Variants in DAB2 observed in about 807,000 individuals in gnomAD.
DAB2 encodes DAB adaptor protein 2.
Under a neutral mutation model 71.6 loss-of-function variants are expected in DAB2, and 28 were observed. The ratio of observed to expected loss-of-function variants is 0.39; its 90% CI spans 0.29 to 0.54. The LOEUF (loss-of-function observed/expected upper bound fraction) is 0.54. Ranked by LOEUF, DAB2 falls within the 20% of genes least tolerant of loss-of-function variation. The pLI, the probability that DAB2 is intolerant of heterozygous loss-of-function variation, is 0.68. For missense variants in DAB2, 867 were observed against 928.8 expected, an observed-to-expected ratio of 0.93 and a Z score of 0.86; for synonymous variants, 345 against 339.7, an observed-to-expected ratio of 1.02 and a Z score of -0.17.
intron 1 of DAB2, among the ~76,000 whole-genome samples, chr5:39,395,404 C>T (rs969740282): frequency 6.6e-6 from 1 of 152,192 alleles, no homozygotes; most frequent in African/African-American, 2.4e-5. Context: ...TCATTCCGTG[C>T]CTATACCACC....
chr5:39,419,308 C>A (rs1287651577), intron 1 of DAB2, among the ~76,000 whole-genome samples: 2 of 152,158 alleles, frequency 1.3e-5, no homozygotes, highest in Non-Finnish European at 2.9e-5. Context: ...CCATTGCTAA[C>A]CTAGCATCAG....
intron 5 of DAB2, 31 bp downstream of exon 5, chr5:39,390,413 C>T: frequency 1.2e-6 from 2 of 1,606,674 alleles, no homozygotes; most frequent in Non-Finnish European, 1.7e-6. Flanking sequence ...GAGGACAAGT[C>T]CCCAGGTCTA....
intron 1 of DAB2, among the ~76,000 whole-genome samples, chr5:39,411,948 A>C (rs1341326849): frequency 6.6e-6 from 1 of 152,162 alleles, no homozygotes; most frequent in Non-Finnish European, 1.5e-5. Context: ...CAACACTACC[A>C]AGTTTGCATA....
intron 9 of DAB2, among the ~76,000 whole-genome samples, chr5:39,384,225 C>T (rs148315143): frequency 2.6e-4 from 39 of 152,236 alleles, no homozygotes; most frequent in African/African-American, 9.4e-4. Flanking sequence ...GTTCCAAGGC[C>T]CACAGTGGAT....
chr5:39,419,762 G>A (rs1025470482), intron 1 of DAB2, among the ~76,000 whole-genome samples: 1 of 152,192 alleles, frequency 6.6e-6, no homozygotes, highest in Non-Finnish European at 1.5e-5. Context: ...GAGGGGAAAA[G>A]ATTTGGAAGT....
At position 39,388,800 on chromosome 5, in the gene DAB2, G is replaced by C. The variant is rs772234206; in HGVS notation, c.623C>G (p.Ser208Trp). The change falls in exon 8 of 15, where the codon TCG becomes TGG. Residue 208 changes from serine to tryptophan, a missense_variant and splice_region_variant. By Grantham distance (177) the Ser-to-Trp change is radical (BLOSUM62 -3). Around this residue, in one of 2 missense-constraint regions of DAB2, gnomAD observed 740 missense variants for 734.3 expected, o/e 1.01. Transcript: ENST00000320816. The part of the protein sequence containing the change: ...ILDDQTNKLK[S>W]GVDQMDLFGD... Reference sequence around the variant, plus strand: ...CAAACGTCACATATTAATACATACCGATTTCAGTTTGTTAGTTTGGTCATC... The same window carrying C: ...CAAACGTCACATATTAATACATACCCATTTCAGTTTGTTAGTTTGGTCATC... 6.2e-7 allele frequency: 1 copy of C among 1,611,916 alleles called. No homozygotes were observed. The highest frequency in any genetic ancestry group is 8.5e-7 in the Non-Finnish European group (1 of 1,178,278).
At chr5:39,397,504 C>G (rs1002950121) in intron 1 of DAB2, among the ~76,000 whole-genome samples, 1 of 152,188 alleles carries the variant, frequency 6.6e-6, no homozygotes, top group African/African-American at 2.4e-5. Flanking sequence ...TAGCTAACAA[C>G]TTATACCTAG....
chr5:39,398,602 T>C (rs1755431532), intron 1 of DAB2, among the ~76,000 whole-genome samples: 2 of 152,164 alleles, frequency 1.3e-5, no homozygotes, highest in African/African-American at 4.8e-5. Context: ...GGCCATACAA[T>C]TGAAAATATA....
rs1754715650 is a variant in DAB2, at chr5:39,372,199, T to G, written c.*1232A>C. 6.6e-6 allele frequency: 1 copy of G among 152,192 alleles called. No individual in the cohort carries two copies. Among genetic ancestry groups the G allele is most frequent in the Non-Finnish European group, 1.5e-5 (1 of 68,026 alleles). The allele number at this position is 152,192 out of a possible 1,614,324, so 9.4% of individuals were successfully genotyped here. A position where few individuals can be genotyped will look rare whatever the true frequency, so the allele number is the denominator to read the frequency against. On this transcript the variant is annotated 3_prime_UTR_variant, in exon 15 of 15. Coordinates refer to ENST00000320816, the MANE Select transcript of DAB2 (RefSeq NM_001343.4). The stretch of plus-strand genomic sequence containing the variant: ...GCTCACAACAGGACTGAAAATGAAC[T>G]GGGAACGTTTCCAAGTTGTGAGGAG...
chr5:39,375,731 CA>C (rs1228730969), intron 13 of DAB2, among the ~76,000 whole-genome samples: 1 of 151,886 alleles, frequency 6.6e-6, no homozygotes, highest in Admixed American at 6.6e-5. Flanking sequence ...CAAAAAAATA[CA>C]AAAATTAGCC....
intron 4 of DAB2, among the ~76,000 whole-genome samples, chr5:39,391,969 A>G (rs1210948199): frequency 2.2e-5 from 1 of 46,002 alleles, no homozygotes. Context: ...CGAGGTCAAA[A>G]AAAAAAAAAA....
In DAB2 at chr5:39,415,466, C is replaced by T. The variant is rs371241690; in HGVS notation, c.-102+9338G>A. Among the ~76,000 whole-genome samples, 209 of 152,292 alleles carry T rather than the reference C, an allele frequency of 1.4e-3. 11 individuals are homozygous for T. In the South Asian group the frequency reaches 0.04, roughly 29 times the overall value. On this transcript the variant is annotated intron_variant, in intron 1 of 14. Coordinates refer to ENST00000320816, the MANE Select transcript of DAB2 (RefSeq NM_001343.4). Reference sequence around the variant, plus strand: ...TAAGAAGTACAAGCAATTCAGGGAACTTCTGTATTCTAGAACCAGACATGT... The same window carrying T: ...TAAGAAGTACAAGCAATTCAGGGAATTTCTGTATTCTAGAACCAGACATGT...
intron 1 of DAB2, among the ~76,000 whole-genome samples, chr5:39,404,097 G>A (rs1401429659): frequency 2.0e-5 from 3 of 151,934 alleles, no homozygotes; most frequent in Non-Finnish European, 4.4e-5. Flanking sequence ...ACGTGTGCAT[G>A]TGTCTTTATA....
rs1755305451 is a variant in DAB2, at chr5:39,394,301, G to A, written c.20C>T (p.Thr7Ile). 1 of 1,613,948 alleles carries A rather than the reference G, an allele frequency of 6.2e-7. No individual in the cohort carries two copies. Among genetic ancestry groups the A allele is most frequent in the South Asian group, 1.1e-5 (1 of 91,076 alleles). Residue 7 changes from threonine to isoleucine, a missense_variant, in exon 2 of 15, where the codon ACA becomes ATA. Transcript: ENST00000320816. MSNEVE[T>I]SATNGQPDQQ... ...GTCGGGCTGACCATTGGTTGCACTT[G>A]TTTCTACTTCGTTAGACATGGCAAG...
chr5:39,395,937 CTTTTTTTT>C (rs3024228), intron 1 of DAB2, among the ~76,000 whole-genome samples: 1 of 74,856 alleles, frequency 1.3e-5, no homozygotes, highest in Non-Finnish European at 2.3e-5. Context: ...CACAGATATT[CTTTTTTTT>C]TTTTTTTTTT....
At position 39,389,130 on chromosome 5, in the gene DAB2, A is replaced by C. The variant is rs773015544; in HGVS notation, c.544-7T>G. 1 of 1,609,124 alleles carries C rather than the reference A, an allele frequency of 6.2e-7. No individual in the cohort carries two copies. Among genetic ancestry groups the C allele is most frequent in the East Asian group, 2.2e-5 (1 of 44,854 alleles). On this transcript the variant is annotated splice_region_variant and splice_polypyrimidine_tract_variant and intron_variant, in intron 6 of 14. Transcript: ENST00000320816. ...CTTTGCTGGCTTCCTCTATCTAAAAAGAAAGATACATATTCAGTGATCTTC... is the reference window on the plus strand; with the variant it reads ...CTTTGCTGGCTTCCTCTATCTAAAACGAAAGATACATATTCAGTGATCTTC...
intron 9 of DAB2, among the ~76,000 whole-genome samples, chr5:39,384,438 ACTCAC>A (rs1452881165): frequency 6.6e-6 from 1 of 152,180 alleles, no homozygotes; most frequent in Non-Finnish European, 1.5e-5. Context: ...ATTGTACCGT[ACTCAC>A]TTATTTTCAG....
intron 1 of DAB2, among the ~76,000 whole-genome samples, chr5:39,400,623 G>A (rs1202143933): frequency 2.6e-5 from 4 of 152,164 alleles, no homozygotes; most frequent in Non-Finnish European, 5.9e-5. Flanking sequence ...AGCATAGTCT[G>A]TGTTTTCTCT....
At chr5:39,389,253 G>A (rs954076680) in intron 6 of DAB2, 130 bp from the exon 7 acceptor site, 11 of 625,420 alleles carry the variant, frequency 1.8e-5, no homozygotes, top group Middle Eastern at 4.0e-4. Flanking sequence ...TCTGCCCTCC[G>A]TTCCCCTCCC....
Sources: gnomAD v4.1 joint callset for allele counts (sites outside exome capture counted in the v4.1 genomes callset) on GRCh38, gnomAD v4.1.1 for gene constraint, gnomAD v4.1.1 regional missense constraint, MANE v1.5 for transcripts, NCBI Gene and HGNC (gene_info 2026-07-23, HGNC 2026-07-21) for gene names.